Variants in YEATS2 observed in about 807,000 individuals in gnomAD.
YEATS2 encodes the protein YEATS domain containing 2.
Under a neutral mutation model 163.2 loss-of-function variants are expected in YEATS2, and 77 were observed. The observed-to-expected ratio is 0.47, with a 90% CI of 0.39 to 0.57. YEATS2 has a LOEUF of 0.57. Ranked by LOEUF, YEATS2 falls within the 20% of genes least tolerant of loss-of-function variation. YEATS2 has a pLI of 0.00. For missense variants in YEATS2, 1,549 were observed against 1,729.8 expected (o/e 0.90, Z 1.85); for synonymous variants, 631 against 645.1 (o/e 0.98, Z 0.33).
intron 20 of YEATS2, 73 bp downstream of exon 20, chr3:183,786,374 C>A: frequency 7.0e-7 from 1 of 1,420,354 alleles, no homozygotes; most frequent in South Asian, 1.3e-5. Context: ...AGGTGTCCAG[C>A]AGGCACACCA....
intron 1 of YEATS2, among the ~76,000 whole-genome samples, chr3:183,705,933 G>T (rs767284100): frequency 6.6e-6 from 1 of 151,938 alleles, no homozygotes; most frequent in African/African-American, 2.4e-5. Context: ...CCAGCTACTC[G>T]GGAGGCTGAG....
At chr3:183,719,455 C>A (rs1716264953) in intron 4 of YEATS2, among the ~76,000 whole-genome samples, 1 of 152,146 alleles carries the variant, frequency 6.6e-6, no homozygotes, top group Non-Finnish European at 1.5e-5. Flanking sequence ...TTACGTAATT[C>A]TTTTCCTCCT....
chr3:183,768,569 A>G (rs1399501026), intron 15 of YEATS2, among the ~76,000 whole-genome samples: 1 of 152,152 alleles, frequency 6.6e-6, no homozygotes, highest in Non-Finnish European at 1.5e-5. Context: ...AAATATACAG[A>G]AAAGTTCTTG....
At chr3:183,793,082 T>TA in intron 21 of YEATS2, 2 of 1,221,582 alleles carry the variant, frequency 1.6e-6, no homozygotes, top group Non-Finnish European at 2.2e-6. Flanking sequence ...ATCGAACTGT[T>TA]AAAGTTTCTA....
chr3:183,755,257 G>T (rs903062487), intron 11 of YEATS2, among the ~76,000 whole-genome samples: 1 of 152,072 alleles, frequency 6.6e-6, no homozygotes, highest in Non-Finnish European at 1.5e-5. Context: ...AGCTGGGACT[G>T]CAGGCACGTG....
chr3:183,751,748 G>A (rs1720187790), intron 9 of YEATS2, among the ~76,000 whole-genome samples: 1 of 152,174 alleles, frequency 6.6e-6, no homozygotes, highest in Non-Finnish European at 1.5e-5. Flanking sequence ...GAGACCTGCT[G>A]GTGAGAAAGG....
intron 9 of YEATS2, among the ~76,000 whole-genome samples, chr3:183,750,213 C>T (rs1341403826): frequency 1.3e-5 from 2 of 151,974 alleles, no homozygotes; most frequent in African/African-American, 2.4e-5. Flanking sequence ...CCTGCCTTGG[C>T]CCCCCAAAGT....
intron 1 of YEATS2, among the ~76,000 whole-genome samples, chr3:183,704,001 A>T (rs990335327): frequency 6.6e-6 from 1 of 151,960 alleles, no homozygotes; most frequent in Admixed American, 6.6e-5. Context: ...TAAAATAAAA[A>T]ATAGCCAGAT....
intron 1 of YEATS2, among the ~76,000 whole-genome samples, chr3:183,713,161 T>A (rs1444657633): frequency 1.3e-5 from 2 of 152,214 alleles, no homozygotes; most frequent in Non-Finnish European, 2.9e-5. Context: ...AAAATCTAAT[T>A]GCTGATTTAT....
chr3:183,752,085 G>A lies in YEATS2; in HGVS notation c.982G>A (p.Glu328Lys), dbSNP rs1720227161. Residue 328 changes from glutamate to lysine, a missense_variant, in exon 10 of 31, where the codon GAA becomes AAA. Transcript: ENST00000305135. ...CCCAATTGTCTAGGTAGTGGATGTT[G>A]AACTCCATCGCCATTCTCTCGGAGA... ...TLGAETVVDV[E>K]LHRHSLGEDC... 1.9e-6 allele frequency: 3 copies of A among 1,613,998 alleles called. No homozygotes were observed. The African/African-American group carries it at 4.0e-5, about 22-fold the overall frequency.
chr3:183,776,249 A>C, intron 18 of YEATS2, 126 bp downstream of exon 18: 1 of 990,230 alleles, frequency 1.0e-6, no homozygotes, highest in Non-Finnish European at 1.4e-6. Context: ...CGTGTTATCT[A>C]TATCTATATC....
At chr3:183,744,289 G>A (rs975481765) in intron 8 of YEATS2, among the ~76,000 whole-genome samples, 1 of 150,830 alleles carries the variant, frequency 6.6e-6, no homozygotes, top group African/African-American at 2.4e-5. Context: ...ATTTTTTTTT[G>A]TATTTTTAGT....
rs2242122 is a variant in YEATS2, at chr3:183,807,500, A to G, written c.4011+408A>G. On this transcript the variant is annotated intron_variant, in intron 28 of 30. Transcript: ENST00000305135. ...CGCGTAATCCTCCCCTGATGTGTTGATAGCTCCTGAGTGCCCCGCCTGTGG... is the reference window on the plus strand; with the variant it reads ...CGCGTAATCCTCCCCTGATGTGTTGGTAGCTCCTGAGTGCCCCGCCTGTGG... 0.011 allele frequency: 2,751 copies of G among 256,126 alleles called. 119 individuals carry two copies. The East Asian group carries it at 0.14, about 13-fold the overall frequency. The allele number at this position is 256,126 out of a possible 1,614,324, so 15.9% of individuals were successfully genotyped here.
At chr3:183,771,813 A>G (rs576894079) in intron 15 of YEATS2, among the ~76,000 whole-genome samples, 2 of 145,008 alleles carry the variant, frequency 1.4e-5, no homozygotes, top group South Asian at 2.1e-4. Flanking sequence ...TGCAACCTCC[A>G]CATCCTAGGT....
At chr3:183,720,722 G>C (rs886385596) in intron 4 of YEATS2, among the ~76,000 whole-genome samples, 1 of 152,098 alleles carries the variant, frequency 6.6e-6, no homozygotes, top group Non-Finnish European at 1.5e-5. Flanking sequence ...CATAAGCTTC[G>C]TGATGTAAAA....
chr3:183,709,024 G>C (rs1714908617), intron 1 of YEATS2, among the ~76,000 whole-genome samples: 1 of 151,902 alleles, frequency 6.6e-6, no homozygotes, highest in Admixed American at 6.6e-5. Context: ...GCTGAGAGTG[G>C]TGGCACACAC....
chr3:183,796,148 A>ATTTTTTT lies in YEATS2; in HGVS notation c.3098-1760_3098-1754dup, dbSNP rs1176974770. 6.4e-3 allele frequency among the ~76,000 whole-genome samples: 611 copies of ATTTTTTT among 96,016 alleles called. 11 individuals carry two copies. Among genetic ancestry groups the ATTTTTTT allele is most frequent in the African/African-American group, 0.025 (580 of 23,268 alleles). 63.0% of individuals were successfully genotyped at this position (96,016 alleles called of 152,430 possible). A position where few individuals can be genotyped will look rare whatever the true frequency, so the allele number is the denominator to read the frequency against. On this transcript the variant is annotated intron_variant, in intron 21 of 30. Transcript: ENST00000305135. ...CAGGCACCTGCCACCATGCCCGGCT[A>ATTTTTTT]TTTTTTTTTTTTTTTTTTTTTGTAT...
In YEATS2 at chr3:183,807,018, G is replaced by A; in HGVS notation, c.3937G>A (p.Glu1313Lys). ...GATAAACATCAAGAAGGAGCAGGAA[G>A]AGAAACAAGAGGAAGTCAAGTTCTA... ...VKINIKKEQE[E>K]KQEEVKFYLP... is the part of the protein sequence containing the mutation. The change falls in exon 28 of 31, where the codon GAG becomes AAG. Residue 1313 changes from glutamate (E) to lysine (K), a missense_variant. Transcript: ENST00000305135. 1 of 1,614,198 alleles carries A rather than the reference G, an allele frequency of 6.2e-7. No individual in the cohort carries two copies. Among genetic ancestry groups the A allele is most frequent in the Non-Finnish European group, 8.5e-7 (1 of 1,180,036 alleles).
intron 5 of YEATS2, 131 bp from the exon 6 acceptor site, chr3:183,724,288 C>G: frequency 1.5e-6 from 1 of 661,072 alleles, no homozygotes; most frequent in Non-Finnish European, 2.5e-6. Flanking sequence ...AGAGGTGCTA[C>G]AAAGCCAGAA....
Sources: gnomAD v4.1 joint callset for allele counts (sites outside exome capture counted in the v4.1 genomes callset) on GRCh38, gnomAD v4.1.1 for gene constraint, MANE v1.5 for transcripts, NCBI Gene and HGNC (gene_info 2026-07-23, HGNC 2026-07-21) for gene names.